The following ADAMTS17 variants were observed in gnomAD, a reference collection of about 807,000 sequenced individuals.
ADAMTS17 encodes ADAM metallopeptidase with thrombospondin type 1 motif 17, also known as A disintegrin and metalloproteinase with thrombospondin motifs 17.
In ADAMTS17, 113 loss-of-function variants were observed where a neutral mutation model predicts 141.5. The observed-to-expected ratio is 0.80, with a 90% CI of 0.69 to 0.93. The LOEUF is 0.93. Among genes scored for constraint, ADAMTS17 ranks in the 40% least tolerant of loss-of-function variants. ADAMTS17 has a pLI of 0.00. For synonymous variants in ADAMTS17, 768 were observed against 630.6 expected (o/e 1.22, Z -3.27); for missense variants, 1,659 against 1,517.9 (o/e 1.09, Z -1.54).
intron 15 of ADAMTS17, among the ~76,000 whole-genome samples, chr15:100,077,037 G>A (rs1173331822): frequency 6.6e-6 from 1 of 151,830 alleles, no homozygotes; most frequent in East Asian, 1.9e-4. Flanking sequence ...ATATGAATAT[G>A]CACAGAAAAC....
At chr15:100,032,056 G>C (rs1284406306) in intron 18 of ADAMTS17, among the ~76,000 whole-genome samples, 2 of 152,166 alleles carry the variant, frequency 1.3e-5, no homozygotes, top group Non-Finnish European at 2.9e-5. Context: ...TACCCATAGA[G>C]GACAGCATGG....
intron 3 of ADAMTS17, among the ~76,000 whole-genome samples, chr15:100,308,767 G>C (rs1045822165): frequency 6.6e-6 from 1 of 152,134 alleles, no homozygotes; most frequent in Non-Finnish European, 1.5e-5. Context: ...ATCACCAGGG[G>C]AGTCTGACTA....
intron 20 of ADAMTS17, among the ~76,000 whole-genome samples, chr15:99,986,537 T>A (rs1425466317): frequency 1.3e-5 from 2 of 152,172 alleles, no homozygotes; most frequent in Non-Finnish European, 1.5e-5. Flanking sequence ...TCAGAGGCCT[T>A]GCAAGTCAGA....
chr15:100,076,290 G>A (rs1461323191), intron 15 of ADAMTS17, among the ~76,000 whole-genome samples: 1 of 152,094 alleles, frequency 6.6e-6, no homozygotes, highest in African/African-American at 2.4e-5. Flanking sequence ...TGATCCACCT[G>A]CCCCGGCCTC....
chr15:100,109,219 C>T, intron 13 of ADAMTS17, 103 bp from the exon 14 acceptor site: 1 of 1,450,248 alleles, frequency 6.9e-7, no homozygotes, highest in Non-Finnish European at 9.4e-7. Flanking sequence ...GAAGAGAGGT[C>T]CGCACAGGTC....
chr15:100,011,880 T>G (rs756256859), intron 18 of ADAMTS17, among the ~76,000 whole-genome samples: 6 of 152,256 alleles, frequency 3.9e-5, no homozygotes, highest in Non-Finnish European at 8.8e-5. Context: ...TCTTGTATAA[T>G]GACTTCTTTT....
chr15:100,341,968 G>C lies in ADAMTS17; in HGVS notation c.-69C>G. On this transcript the variant is annotated 5_prime_UTR_variant, in exon 1 of 22. Coordinates refer to ENST00000268070, the MANE Select transcript of ADAMTS17 (RefSeq NM_139057.4). ...AGGAGCGCGCTAGGCGGCGGCGCCA[G>C]CCGGAGTGAAGCCCTCCAGCCTTTG... The C allele has an allele frequency of 6.5e-7, 1 of 1,529,972 alleles. No individual in the cohort carries two copies. 94.8% of individuals were successfully genotyped at this position (1,529,972 alleles called of 1,614,324 possible).
intron 15 of ADAMTS17, among the ~76,000 whole-genome samples, chr15:100,083,432 C>A (rs1274273134): frequency 6.6e-6 from 1 of 152,200 alleles, no homozygotes; most frequent in Non-Finnish European, 1.5e-5. Context: ...GGAACTTCCA[C>A]CTGAGATGTC....
At chr15:100,246,838 G>A (rs887184794) in intron 7 of ADAMTS17, among the ~76,000 whole-genome samples, 1 of 151,468 alleles carries the variant, frequency 6.6e-6, no homozygotes, top group Non-Finnish European at 1.5e-5. Flanking sequence ...TATATGTAAA[G>A]TATCTGTTCA....
At chr15:100,169,221 C>G (rs1029365545) in intron 8 of ADAMTS17, among the ~76,000 whole-genome samples, 1 of 152,194 alleles carries the variant, frequency 6.6e-6, no homozygotes, top group African/African-American at 2.4e-5. Context: ...ACCAGCACAG[C>G]TTCCACTGCC....
At chr15:100,133,121 C>T (rs1026532976) in intron 11 of ADAMTS17, 93 bp downstream of exon 11, 2 of 1,275,694 alleles carry the variant, frequency 1.6e-6, no homozygotes, top group South Asian at 2.7e-5. Flanking sequence ...TCAGGGGCTC[C>T]TAAGTAGAGT....
At chr15:100,201,714 G>C (rs7169465) in intron 7 of ADAMTS17, among the ~76,000 whole-genome samples, 41,986 of 151,818 alleles carry the variant, frequency 0.28, 6,434 homozygotes, top group East Asian at 0.41. Context: ...CCTCAAGATG[G>C]TTTTGTGGCC....
At chr15:100,080,724 T>A (rs777770845) in intron 15 of ADAMTS17, among the ~76,000 whole-genome samples, 15 of 152,244 alleles carry the variant, frequency 9.9e-5, no homozygotes, top group Non-Finnish European at 1.9e-4. Context: ...TGTATACACT[T>A]GTACTAAGAA....
intron 15 of ADAMTS17, among the ~76,000 whole-genome samples, chr15:100,060,595 T>A (rs1206313358): frequency 6.6e-6 from 1 of 152,046 alleles, no homozygotes; most frequent in African/African-American, 2.4e-5. Context: ...GAAGCCCGAG[T>A]GGGGTTCTTT....
At chr15:100,164,970 G>A (rs1049211599) in intron 8 of ADAMTS17, among the ~76,000 whole-genome samples, 1 of 152,186 alleles carries the variant, frequency 6.6e-6, no homozygotes, top group Non-Finnish European at 1.5e-5. Context: ...GATGAAGATG[G>A]TGGCCTAGGG....
chr15:100,323,938 G>T (rs906679275), intron 3 of ADAMTS17, among the ~76,000 whole-genome samples: 2 of 151,786 alleles, frequency 1.3e-5, no homozygotes, highest in Non-Finnish European at 1.5e-5. Context: ...TCAGTCTGGT[G>T]GTTGCTTCCG....
intron 7 of ADAMTS17, among the ~76,000 whole-genome samples, chr15:100,205,940 A>G (rs1321245753): frequency 2.0e-5 from 3 of 152,298 alleles, no homozygotes; most frequent in South Asian, 2.1e-4. Context: ...GAGGGCAAAC[A>G]AGTGGAGACT....
chr15:100,222,229 T>C (rs1195821377), intron 7 of ADAMTS17, among the ~76,000 whole-genome samples: 2 of 152,050 alleles, frequency 1.3e-5, no homozygotes, highest in Non-Finnish European at 2.9e-5. Context: ...GGAAGCAGAG[T>C]GCCAGGTAAG....
Position 100,275,587 on chromosome 15 carries a change from G to A in ADAMTS17, c.789+5642C>T, listed in dbSNP as rs141647463. Among the ~76,000 whole-genome samples the A allele has an allele frequency of 1.7e-3, 265 of 152,254 alleles. 1 individual carries two copies. Among genetic ancestry groups the A allele is most frequent in the African/African-American group, 6.1e-3 (255 of 41,570 alleles). The stretch of plus-strand genomic sequence containing the variant: ...AGGTGACATGGGGTCCCTCAGTCCC[G>A]GACTGGAGTCCTTGCCCTACTGTGT... On this transcript the variant is annotated intron_variant, in intron 4 of 21. Coordinates refer to ENST00000268070, the MANE Select transcript of ADAMTS17 (RefSeq NM_139057.4).
Sources: allele counts gnomAD v4.1 joint callset (sites outside exome capture counted in the v4.1 genomes callset), GRCh38; gene constraint gnomAD v4.1.1; transcripts MANE v1.5; gene names NCBI Gene and HGNC (gene_info 2026-07-23, HGNC 2026-07-21).